Variants in EFNA5 observed in about 807,000 individuals in gnomAD.
EFNA5 encodes ephrin A5.
A neutral mutation model predicts 22.9 loss-of-function variants in EFNA5; 5 were observed. The observed-to-expected ratio is 0.22, with a 90% CI of 0.11 to 0.46. The LOEUF (loss-of-function observed/expected upper bound fraction) is 0.46. Ranked by LOEUF, EFNA5 falls within the 20% of genes least tolerant of loss-of-function variation. The probability of loss-of-function intolerance (pLI) is 0.99; values close to 1 mark genes in which losing one functional copy is unlikely to be tolerated. For synonymous variants in EFNA5, 113 were observed against 112.2 expected, an observed-to-expected ratio of 1.01 and a Z score of -0.04; for missense variants, 237 against 293.3, an observed-to-expected ratio of 0.81 and a Z score of 1.40.
At chr5:107,415,773 C>T (rs1456834465) in intron 2 of EFNA5, among the ~76,000 whole-genome samples, 1 of 152,246 alleles carries the variant, frequency 6.6e-6, no homozygotes, top group Non-Finnish European at 1.5e-5. Context: ...CTGTAAAACA[C>T]TGGTGGATTT....
chr5:107,465,658 G>A (rs1253789219), intron 1 of EFNA5, among the ~76,000 whole-genome samples: 1 of 152,096 alleles, frequency 6.6e-6, no homozygotes, highest in East Asian at 1.9e-4. Flanking sequence ...ATCCATCACA[G>A]CAGCGTAAGA....
chr5:107,592,079 TTATTAATTTTTAA>T (rs1749381028), intron 1 of EFNA5, among the ~76,000 whole-genome samples: 1 of 86,078 alleles, frequency 1.2e-5, no homozygotes, highest in Admixed American at 1.6e-4. Context: ...TAATAATAAA[TTATTAATTTTTAA>T]TAAAAATATA....
chr5:107,556,115 C>T (rs370971790), intron 1 of EFNA5, among the ~76,000 whole-genome samples: 8 of 152,226 alleles, frequency 5.3e-5, no homozygotes, highest in East Asian at 1.9e-4. Flanking sequence ...CTCTCTTTGG[C>T]ACAAAAGTAT....
intron 1 of EFNA5, among the ~76,000 whole-genome samples, chr5:107,516,789 A>C (rs904331763): frequency 2.0e-5 from 3 of 152,228 alleles, no homozygotes; most frequent in African/African-American, 7.2e-5. Flanking sequence ...TAGGCTTAGG[A>C]AACATTTCAG....
intron 1 of EFNA5, among the ~76,000 whole-genome samples, chr5:107,519,875 T>C (rs556307366): frequency 1.3e-5 from 2 of 152,336 alleles, no homozygotes; most frequent in African/African-American, 4.8e-5. Flanking sequence ...CCTTTCTCTT[T>C]GAACTGTAAG....
At chr5:107,397,697 T>C (rs979409460) in intron 2 of EFNA5, among the ~76,000 whole-genome samples, 4 of 152,192 alleles carry the variant, frequency 2.6e-5, no homozygotes, top group African/African-American at 9.7e-5. Context: ...TATCCATTCA[T>C]TTAGGCTGGA....
chr5:107,595,183 A>G (rs1749449536), intron 1 of EFNA5, among the ~76,000 whole-genome samples: 1 of 152,134 alleles, frequency 6.6e-6, no homozygotes, highest in African/African-American at 2.4e-5. Context: ...CGGTTTGAGA[A>G]TATGGTAATA....
At chr5:107,597,831 A>T (rs1366874146) in intron 1 of EFNA5, among the ~76,000 whole-genome samples, 3 of 152,154 alleles carry the variant, frequency 2.0e-5, no homozygotes, top group Non-Finnish European at 4.4e-5. Flanking sequence ...GAAAACTGAA[A>T]ATTCTTCAGC....
intron 1 of EFNA5, among the ~76,000 whole-genome samples, chr5:107,495,241 C>T (rs1180868744): frequency 6.6e-6 from 1 of 152,176 alleles, no homozygotes; most frequent in Non-Finnish European, 1.5e-5. Context: ...TGCGGCTCCA[C>T]TCCTGAAGTC....
intron 1 of EFNA5, among the ~76,000 whole-genome samples, chr5:107,642,176 C>A (rs1395064381): frequency 1.3e-5 from 2 of 152,022 alleles, no homozygotes; most frequent in African/African-American, 4.8e-5. Flanking sequence ...TTTAAAAGGC[C>A]AAGGAGGGGA....
chr5:107,473,000 C>T (rs562262698), intron 1 of EFNA5, among the ~76,000 whole-genome samples: 1 of 152,176 alleles, frequency 6.6e-6, no homozygotes, highest in Non-Finnish European at 1.5e-5. Flanking sequence ...CTCCCTCCCC[C>T]CAGCACCTGC....
chr5:107,568,361 G>C (rs1348033174), intron 1 of EFNA5, among the ~76,000 whole-genome samples: 1 of 152,170 alleles, frequency 6.6e-6, no homozygotes, highest in Non-Finnish European at 1.5e-5. Context: ...CAACCCATGG[G>C]AAAGCCAGAA....
intron 2 of EFNA5, among the ~76,000 whole-genome samples, chr5:107,393,561 T>G (rs1747841187): frequency 6.6e-6 from 1 of 152,258 alleles, no homozygotes; most frequent in Non-Finnish European, 1.5e-5. Flanking sequence ...GCCGCTTTCT[T>G]CTTTTTAAAG....
At chr5:107,532,580 T>A (rs1048766947) in intron 1 of EFNA5, among the ~76,000 whole-genome samples, 2 of 152,162 alleles carry the variant, frequency 1.3e-5, no homozygotes, top group Admixed American at 6.5e-5. Flanking sequence ...ATGGAATTTC[T>A]AAGAAGTACA....
intron 1 of EFNA5, among the ~76,000 whole-genome samples, chr5:107,535,509 T>G (rs1386398029): frequency 6.6e-6 from 1 of 152,102 alleles, no homozygotes; most frequent in African/African-American, 2.4e-5. Flanking sequence ...ATAAAACTGA[T>G]AAGATTAATC....
intron 1 of EFNA5, among the ~76,000 whole-genome samples, chr5:107,479,797 A>G (rs1467211120): frequency 6.6e-6 from 1 of 152,208 alleles, no homozygotes; most frequent in African/African-American, 2.4e-5. Flanking sequence ...GATGAAAAAG[A>G]ATCATTACTG....
intron 1 of EFNA5, among the ~76,000 whole-genome samples, chr5:107,539,569 CTG>C: frequency 6.6e-6 from 1 of 152,308 alleles, no homozygotes; most frequent in East Asian, 1.9e-4. Context: ...AGCAACTCTC[CTG>C]TCTCAGCCTC....
chr5:107,482,244 TGC>T (rs1392629899), intron 1 of EFNA5, among the ~76,000 whole-genome samples: 30 of 151,120 alleles, frequency 2.0e-4, no homozygotes, highest in Admixed American at 5.9e-4. Flanking sequence ...AGACAGAGGT[TGC>T]AGTGAGCCGA....
chr5:107,428,341 G>A (rs555794859), intron 1 of EFNA5, among the ~76,000 whole-genome samples: 1 of 152,268 alleles, frequency 6.6e-6, no homozygotes, highest in African/African-American at 2.4e-5. Context: ...AGTAATGAAA[G>A]TAACAAGCCA....
Sources: gnomAD v4.1 joint callset for allele counts (sites outside exome capture counted in the v4.1 genomes callset) on GRCh38, gnomAD v4.1.1 for gene constraint, MANE v1.5 for transcripts, NCBI Gene and HGNC (gene_info 2026-07-23, HGNC 2026-07-21) for gene names.